Variants in LRRC7 observed in about 807,000 individuals in gnomAD.
LRRC7 encodes the protein leucine rich repeat containing 7, also known as leucine-rich repeat-containing protein 7.
In LRRC7, 23 loss-of-function variants were observed where a neutral mutation model predicts 175.7. That is an observed-to-expected ratio of 0.13 (90% CI 0.09 to 0.19). LRRC7 has a LOEUF of 0.19. Ranked by LOEUF, LRRC7 falls within the 10% of genes least tolerant of loss-of-function variation. The pLI, the probability that LRRC7 is intolerant of heterozygous loss-of-function variation, is 1.00. For synonymous variants in LRRC7, 685 were observed against 680.9 expected, an observed-to-expected ratio of 1.01 and a Z score of -0.09; for missense variants, 1,354 against 1,904.7, an observed-to-expected ratio of 0.71 and a Z score of 5.38.
intron 8 of LRRC7, among the ~76,000 whole-genome samples, chr1:69,970,479 C>T (rs1652123707): frequency 1.3e-5 from 2 of 152,086 alleles, no homozygotes; most frequent in South Asian, 4.1e-4. Context: ...TACAAAAGAT[C>T]ATTCAAGGCT....
intron 2 of LRRC7, among the ~76,000 whole-genome samples, chr1:69,695,200 G>A (rs1248235004): frequency 1.3e-5 from 2 of 152,114 alleles, no homozygotes; most frequent in African/African-American, 4.8e-5. Flanking sequence ...TGGTATAAAG[G>A]TCACCTATGT....
At chr1:70,052,174 T>C (rs57502803) in intron 22 of LRRC7, among the ~76,000 whole-genome samples, 19,371 of 151,812 alleles carry the variant, frequency 0.13, 1,679 homozygotes, top group African/African-American at 0.24. Context: ...AAAGGAGCCT[T>C]TGTGAAAATA....
intron 24 of LRRC7, 34 bp from the exon 25 acceptor site, chr1:70,089,693 T>C (rs1170986955): frequency 7.3e-7 from 1 of 1,374,554 alleles, no homozygotes; most frequent in Non-Finnish European, 1.0e-6. Flanking sequence ...CTTTGATAAC[T>C]GTTTACTTAC....
chr1:69,645,244 AGACT>A (rs1654842173), intron 1 of LRRC7, among the ~76,000 whole-genome samples: 1 of 152,064 alleles, frequency 6.6e-6, no homozygotes, highest in African/African-American at 2.4e-5. Context: ...GAACTAATTA[AGACT>A]GACAAATTCT....
chr1:69,774,709 C>T (rs937196357), intron 3 of LRRC7, among the ~76,000 whole-genome samples: 1 of 152,036 alleles, frequency 6.6e-6, no homozygotes, highest in Non-Finnish European at 1.5e-5. Context: ...GGGAACAAAT[C>T]CACATTATTA....
chr1:70,081,271 A>C (rs1363935302), intron 24 of LRRC7, among the ~76,000 whole-genome samples: 1 of 152,206 alleles, frequency 6.6e-6, no homozygotes, highest in Non-Finnish European at 1.5e-5. Context: ...AAGCTGTTGG[A>C]TATTTTTAAA....
At chr1:70,018,933 A>C (rs1657196850) in intron 15 of LRRC7, 115 bp downstream of exon 15, 1 of 642,122 alleles carries the variant, frequency 1.6e-6, no homozygotes, top group Non-Finnish European at 2.7e-6. Flanking sequence ...TATAAAGATA[A>C]TTACATGACA....
chr1:69,809,022 T>C (rs758228107), intron 4 of LRRC7, among the ~76,000 whole-genome samples: 68 of 151,830 alleles, frequency 4.5e-4, no homozygotes, highest in Non-Finnish European at 3.1e-4. Flanking sequence ...CAAAATAGAC[T>C]GCTAGCCAGA....
At chr1:69,888,422 A>G (rs1645722630) in intron 7 of LRRC7, among the ~76,000 whole-genome samples, 1 of 151,862 alleles carries the variant, frequency 6.6e-6, no homozygotes, top group African/African-American at 2.4e-5. Flanking sequence ...TGGAAAGGGA[A>G]CTCCCCGACC....
rs76875131 is a variant in LRRC7 at position 70,140,637 on chromosome 1, G to A, written c.*18750G>A. 8 of 152,186 alleles carry A rather than the reference G, an allele frequency of 5.3e-5. No individual in the cohort carries two copies. The East Asian group carries it at 1.5e-3, about 29-fold the overall frequency. The allele number at this position is 152,186 out of a possible 1,614,324, so 9.4% of individuals were successfully genotyped here. A position where few individuals can be genotyped will look rare whatever the true frequency, so the allele number is the denominator to read the frequency against. On this transcript the variant is annotated 3_prime_UTR_variant, in exon 27 of 27. Transcript: ENST00000651989. ...CAGGCAAGTATAATATAAAAAGTCA[G>A]GAATTGACTACAGTTCCCTTGGCTA...
intron 8 of LRRC7, among the ~76,000 whole-genome samples, chr1:69,948,203 C>T (rs1018308770): frequency 2.0e-5 from 3 of 152,174 alleles, no homozygotes; most frequent in African/African-American, 7.2e-5. Context: ...TGGTTGAACA[C>T]TGGTAACTAA....
chr1:69,717,825 AGAAAGAAAGAAAGAAAAAAGAAAGAAAG>A lies in LRRC7; in HGVS notation c.100+39364_100+39391del, dbSNP rs1557641083. On this transcript the variant is annotated intron_variant, in intron 2 of 26. Coordinates refer to ENST00000651989, the MANE Select transcript of LRRC7 (RefSeq NM_001370785.2). ...AAGAAAGAAAGAAAGAAAGAAAGAA[AGAAAGAAAGAAAGAAAAAAGAAAGAAAG>A]GAAAGAAAGAAAGAAAGAAAGAAAG... 1.8e-3 allele frequency among the ~76,000 whole-genome samples: 104 copies of A among 57,982 alleles called. 2 individuals are homozygous for A. Among genetic ancestry groups the A allele is most frequent in the East Asian group, 6.2e-3 (15 of 2,426 alleles). The allele number at this position is 57,982 out of a possible 152,430, so 38.0% of individuals were successfully genotyped here.
At chr1:69,727,618 T>C (rs912685644) in intron 2 of LRRC7, among the ~76,000 whole-genome samples, 1 of 152,214 alleles carries the variant, frequency 6.6e-6, no homozygotes, top group Non-Finnish European at 1.5e-5. Flanking sequence ...AATTGCTTTT[T>C]CTAGATCAAT....
At chr1:69,865,696 A>G (rs1048143724) in intron 7 of LRRC7, among the ~76,000 whole-genome samples, 4 of 151,602 alleles carry the variant, frequency 2.6e-5, no homozygotes, top group Admixed American at 2.0e-4. Context: ...TAGCCAGGAT[A>G]GTCTTGATCT....
At position 69,968,711 on chromosome 1, in the gene LRRC7, T is replaced by C. The variant is rs1232517321; in HGVS notation, c.712-11668T>C. Among the ~76,000 whole-genome samples, 3 of 152,286 alleles carry C rather than the reference T, an allele frequency of 2.0e-5. No individual in the cohort carries two copies. The East Asian group carries it at 5.8e-4, about 29-fold the overall frequency. Reference sequence around the variant, plus strand: ...TGTACCCAGCAAAACTACACAGTCTTTTCCAGACAAGCAAATGCTGAGAGA... The same window carrying C: ...TGTACCCAGCAAAACTACACAGTCTCTTCCAGACAAGCAAATGCTGAGAGA... On this transcript the variant is annotated intron_variant, in intron 8 of 26. Coordinates refer to ENST00000651989, the MANE Select transcript of LRRC7 (RefSeq NM_001370785.2).
At chr1:69,741,268 T>C (rs1413381345) in intron 2 of LRRC7, among the ~76,000 whole-genome samples, 1 of 152,030 alleles carries the variant, frequency 6.6e-6, no homozygotes, top group African/African-American at 2.4e-5. Flanking sequence ...GTTCAAAATA[T>C]GGCATGGAGC....
chr1:70,075,348 G>C (rs553340868), intron 23 of LRRC7, among the ~76,000 whole-genome samples: 1 of 152,268 alleles, frequency 6.6e-6, no homozygotes, highest in South Asian at 2.1e-4. Context: ...GTACGGGTAT[G>C]ATCGTATCAT....
At chr1:70,075,105 A>G (rs964747024) in intron 23 of LRRC7, among the ~76,000 whole-genome samples, 2 of 152,210 alleles carry the variant, frequency 1.3e-5, no homozygotes, top group Non-Finnish European at 2.9e-5. Flanking sequence ...TTCAATAGCA[A>G]TGGGTGAAGT....
intron 2 of LRRC7, among the ~76,000 whole-genome samples, chr1:69,713,395 C>T (rs1041836890): frequency 2.0e-5 from 3 of 151,852 alleles, no homozygotes; most frequent in Non-Finnish European, 4.4e-5. Flanking sequence ...CTCTGGAGGC[C>T]GAGGTTGGAG....
Sources: allele counts gnomAD v4.1 joint callset (sites outside exome capture counted in the v4.1 genomes callset), GRCh38; gene constraint gnomAD v4.1.1; transcripts MANE v1.5; gene names NCBI Gene and HGNC (gene_info 2026-07-23, HGNC 2026-07-21).